Variants in DCC observed in about 807,000 individuals in gnomAD.
DCC encodes the protein netrin receptor DCC.
Under a neutral mutation model 172.5 loss-of-function variants are expected in DCC, and 58 were observed. The ratio of observed to expected loss-of-function variants is 0.34; its 90% confidence interval spans 0.27 to 0.42. The LOEUF (loss-of-function observed/expected upper bound fraction) is 0.42, where lower values mean the gene tolerates loss of function less well. Among genes scored for constraint, DCC ranks in the 10% least tolerant of loss-of-function variants. The probability of loss-of-function intolerance (pLI) is 1.00; values close to 1 mark genes in which losing one functional copy is unlikely to be tolerated. For missense variants in DCC, 1,740 were observed against 1,791.0 expected (o/e 0.97, Z 0.51); for synonymous variants, 709 against 644.5 (o/e 1.10, Z -1.52).
intron 1 of DCC, among the ~76,000 whole-genome samples, chr18:52,669,887 G>T (rs1286740975): frequency 6.6e-6 from 1 of 151,956 alleles, no homozygotes; most frequent in Non-Finnish European, 1.5e-5. Flanking sequence ...CACAAAGTGT[G>T]GTAGGGAAAG....
At chr18:53,519,956 C>G (rs895998091) in intron 27 of DCC, among the ~76,000 whole-genome samples, 1 of 152,094 alleles carries the variant, frequency 6.6e-6, no homozygotes, top group African/African-American at 2.4e-5. Context: ...GATGGTGGCT[C>G]TCTTCTAGTG....
chr18:53,144,058 A>T lies in DCC; in HGVS notation c.1262-13298A>T, dbSNP rs112210782. 6.9e-3 allele frequency among the ~76,000 whole-genome samples: 1,047 copies of T among 152,304 alleles called. 15 individuals are homozygous for T. The highest frequency in any genetic ancestry group is 0.024 in the African/African-American group (986 of 41,578). The stretch of plus-strand genomic sequence containing the variant: ...AAAGGTACATATGCTGACCCTTTCT[A>T]TTATCATCTTTTCTAACTGTAGCTT... On this transcript the variant is annotated intron_variant, in intron 7 of 28. Coordinates refer to ENST00000442544, the MANE Select transcript of DCC (RefSeq NM_005215.4).
intron 2 of DCC, among the ~76,000 whole-genome samples, chr18:52,824,132 T>C (rs2038461712): frequency 6.6e-6 from 1 of 152,218 alleles, no homozygotes. Flanking sequence ...ATTCTCAAGA[T>C]GGCTTCGACA....
intron 2 of DCC, among the ~76,000 whole-genome samples, chr18:52,785,669 G>A (rs537083579): frequency 2.0e-5 from 3 of 152,008 alleles, no homozygotes; most frequent in African/African-American, 7.2e-5. Flanking sequence ...TTGTGATACT[G>A]GTTTGCCTCC....
chr18:52,782,371 G>A (rs1725249118), intron 2 of DCC, among the ~76,000 whole-genome samples: 1 of 149,998 alleles, frequency 6.7e-6, no homozygotes, highest in Admixed American at 6.6e-5. Context: ...TCTGAGACAC[G>A]TGCTTATAAT....
At chr18:53,059,122 A>AT (rs2042457292) in intron 5 of DCC, among the ~76,000 whole-genome samples, 1 of 152,120 alleles carries the variant, frequency 6.6e-6, no homozygotes, top group South Asian at 2.1e-4. Flanking sequence ...AAAGCCTCTT[A>AT]TAAAACCATC....
At chr18:52,576,821 C>T (rs1211122099) in intron 1 of DCC, among the ~76,000 whole-genome samples, 1 of 130,906 alleles carries the variant, frequency 7.6e-6, no homozygotes, top group Non-Finnish European at 1.6e-5. Flanking sequence ...CAGAGCAAGC[C>T]TCCATCTCAA....
intron 2 of DCC, among the ~76,000 whole-genome samples, chr18:52,791,992 C>T (rs527316142): frequency 7.7e-4 from 117 of 152,132 alleles, no homozygotes; most frequent in Middle Eastern, 3.4e-3. Context: ...GTAGAGTTTT[C>T]CCATTTGCAG....
Position 53,011,053 on chromosome 18 carries a change from A to G in DCC, c.986-52252A>G, listed in dbSNP as rs2041723460. Among the ~76,000 whole-genome samples, 3 of 151,442 alleles carry G rather than the reference A, an allele frequency of 2.0e-5. No individual in the cohort carries two copies. In the South Asian group the frequency reaches 6.2e-4, roughly 32 times the overall value. The stretch of plus-strand genomic sequence containing the variant: ...AAATTGCATAATATATTAAATTTAT[A>G]CAAGGTATTAAATATGCTGATGAAG... On this transcript the variant is annotated intron_variant, in intron 5 of 28. Transcript: ENST00000442544.
intron 8 of DCC, among the ~76,000 whole-genome samples, chr18:53,162,298 CA>C (rs59626358): frequency 0.043 from 4,936 of 114,678 alleles, 160 homozygotes; most frequent in African/African-American, 0.1. Context: ...GACTCTGCCT[CA>C]AAAAAAAAAA....
chr18:52,530,525 AT>A (rs1220934501), intron 1 of DCC, among the ~76,000 whole-genome samples: 1 of 152,198 alleles, frequency 6.6e-6, no homozygotes, highest in African/African-American at 2.4e-5. Flanking sequence ...AAAACAGAGA[AT>A]GCACATAAAA....
At chr18:52,815,270 G>A (rs903783160) in intron 2 of DCC, among the ~76,000 whole-genome samples, 7 of 152,138 alleles carry the variant, frequency 4.6e-5, no homozygotes, top group African/African-American at 1.7e-4. Flanking sequence ...CAATGTGGCT[G>A]TATTTGGAAA....
chr18:53,112,581 GA>G (rs1213475435), intron 7 of DCC, among the ~76,000 whole-genome samples: 1 of 151,530 alleles, frequency 6.6e-6, no homozygotes, highest in Admixed American at 6.6e-5. Context: ...ATGGATTTAT[GA>G]GAGTAATCCA....
chr18:52,591,670 T>C (rs2033802094), intron 1 of DCC, among the ~76,000 whole-genome samples: 4 of 152,048 alleles, frequency 2.6e-5, no homozygotes, highest in Admixed American at 2.6e-4. Flanking sequence ...GCAACCTCGA[T>C]CTCCTGGGCT....
At chr18:53,453,432 C>G (rs763725390) in intron 23 of DCC, among the ~76,000 whole-genome samples, 4 of 151,998 alleles carry the variant, frequency 2.6e-5, no homozygotes, top group Admixed American at 6.6e-5. Context: ...TCTTCAATAT[C>G]TCTTTTGGGG....
chr18:52,714,207 G>C (rs140276703), intron 1 of DCC, among the ~76,000 whole-genome samples: 5 of 152,074 alleles, frequency 3.3e-5, no homozygotes, highest in South Asian at 2.1e-4. Flanking sequence ...CTGACCACAG[G>C]GTCCATGGCA....
intron 12 of DCC, among the ~76,000 whole-genome samples, chr18:53,234,432 T>TAAAA (rs1444648602): frequency 6.7e-6 from 1 of 150,206 alleles, no homozygotes; most frequent in Admixed American, 6.6e-5. Context: ...TGTCTCAAAT[T>TAAAA]AAAAAAATAA....
chr18:52,732,940 T>A (rs916838069), intron 1 of DCC, among the ~76,000 whole-genome samples: 1 of 152,164 alleles, frequency 6.6e-6, no homozygotes, highest in African/African-American at 2.4e-5. Context: ...ATTCATTAGA[T>A]GTAAATTTTT....
At chr18:52,527,892 C>T (rs1390210458) in intron 1 of DCC, among the ~76,000 whole-genome samples, 1 of 152,160 alleles carries the variant, frequency 6.6e-6, no homozygotes, top group East Asian at 1.9e-4. Flanking sequence ...GTCAGATCCC[C>T]AAAGACTTGG....
Sources: allele counts gnomAD v4.1 joint callset (sites outside exome capture counted in the v4.1 genomes callset), GRCh38; gene constraint gnomAD v4.1.1; transcripts MANE v1.5; gene names NCBI Gene and HGNC (gene_info 2026-07-23, HGNC 2026-07-21).